The following ENO1 variants were observed in gnomAD, a reference collection of about 807,000 sequenced individuals.
The protein encoded by ENO1 is enolase 1.
ENO1 carries 33 observed loss-of-function variants against 46.3 expected under a neutral mutation model. The observed-to-expected ratio is 0.71, with a 90% CI of 0.54 to 0.95. The LOEUF (loss-of-function observed/expected upper bound fraction) is 0.95, where lower values mean the gene tolerates loss of function less well. Ranked by LOEUF, ENO1 falls within the 40% of genes least tolerant of loss-of-function variation. The pLI is 0.00. For synonymous variants in ENO1, 220 were observed against 216.0 expected (o/e 1.02, Z -0.16); for missense variants, 488 against 553.3 (o/e 0.88, Z 1.18).
Position 8,861,223 on chromosome 1 carries a change from C to A in ENO1, c.*137G>T, listed in dbSNP as rs1004300534. On this transcript the variant is annotated 3_prime_UTR_variant, in exon 12 of 12. Transcript: ENST00000234590. ...CTGTAGAAGTTCTAAGGAAGCGGTA[C>A]GAACTCCACGGCGGTGGGGCGCTAA... 4.8e-6 allele frequency: 4 copies of A among 824,916 alleles called. No homozygotes were observed. The highest frequency in any genetic ancestry group is 1.7e-5 in the African/African-American group (1 of 58,618). 51.1% of individuals were successfully genotyped at this position (824,916 alleles called of 1,614,324 possible). A position where few individuals can be genotyped will look rare whatever the true frequency, so the allele number is the denominator to read the frequency against.
rs565264603 is a variant in ENO1 at position 8,874,731 on chromosome 1, ATTTT to A, written c.85+89_85+92del. ...CAGACAGAAAGAAAAGCTTTAACAG[ATTTT>A]TTTTTTCCTAAGGCTCCAGCATTTG... is the stretch of plus-strand genomic sequence containing the variant. On this transcript the variant is annotated intron_variant, in intron 2 of 11. Transcript: ENST00000234590. The A allele has an allele frequency of 6.2e-4, 656 of 1,066,660 alleles. 1 individual carries two copies. The African/African-American group carries it at 8.9e-3, about 15-fold the overall frequency. 66.1% of individuals were successfully genotyped at this position (1,066,660 alleles called of 1,614,324 possible).
At chr1:8,865,934 C>G (rs1486116736) in intron 7 of ENO1, 3 of 329,896 alleles carry the variant, frequency 9.1e-6, no homozygotes, top group Non-Finnish European at 1.7e-5. Flanking sequence ...CTGTCCATGG[C>G]TAAGCTGCCC....
chr1:8,865,254 G>C, intron 8 of ENO1, 31 bp downstream of exon 8: 1 of 1,610,346 alleles, frequency 6.2e-7, no homozygotes, highest in Non-Finnish European at 8.5e-7. Context: ...TCAGTGGCAG[G>C]AAAGGGAGAT....
intron 11 of ENO1, 96 bp from the exon 12 acceptor site, chr1:8,861,525 G>A: frequency 4.8e-6 from 6 of 1,259,058 alleles, no homozygotes; most frequent in Non-Finnish European, 6.8e-6. Context: ...CAAAGACACA[G>A]CCCCACTCCT....
intron 3 of ENO1, chr1:8,871,479 T>TA: frequency 9.9e-7 from 1 of 1,012,406 alleles, no homozygotes; most frequent in South Asian, 4.0e-5. Context: ...GGTCATTGGT[T>TA]AGACCTTCCC....
chr1:8,868,083 G>C, intron 4 of ENO1, 26 bp from the exon 5 acceptor site: 1 of 1,563,390 alleles, frequency 6.4e-7, no homozygotes, highest in Non-Finnish European at 8.8e-7. Flanking sequence ...GAGAATGAGG[G>C]GTTGGGGCCA....
rs79763842 is a variant in ENO1, at chr1:8,875,319, A to G, written c.-9-402T>C. On this transcript the variant is annotated intron_variant, in intron 1 of 11. Coordinates refer to ENST00000234590, the MANE Select transcript of ENO1 (RefSeq NM_001428.5). ...CTGTAAGAAAAAAGAAAAAAAAAAA[A>G]AGAGAGAGAAAAAGCCCACAAACGT... Among the ~76,000 whole-genome samples, 53 of 152,142 alleles carry G rather than the reference A, an allele frequency of 3.5e-4. No homozygotes were observed. In the East Asian group the frequency reaches 6.0e-3, roughly 17 times the overall value.
At position 8,863,427 on chromosome 1, in the gene ENO1, A is replaced by C. The variant is rs866490479; in HGVS notation, c.1068-84T>G. ...AATGCCATTACCCCTCGGTGCCAGC[A>C]GGAAAGCAGTGGAGGGGCTGTTAAT... is the stretch of plus-strand genomic sequence containing the variant. On this transcript the variant is annotated intron_variant, in intron 9 of 11. Coordinates refer to ENST00000234590, the MANE Select transcript of ENO1 (RefSeq NM_001428.5). 1.2e-5 allele frequency: 16 copies of C among 1,372,758 alleles called. No individual in the cohort carries two copies. In the Admixed American group the frequency reaches 3.0e-4, roughly 26 times the overall value. 85.0% of individuals were successfully genotyped at this position (1,372,758 alleles called of 1,614,324 possible).
Position 8,863,160 on chromosome 1 carries a change from C to T in ENO1, c.1176+75G>A, listed in dbSNP as rs141193517. On this transcript the variant is annotated intron_variant, in intron 10 of 11. Coordinates refer to ENST00000234590, the MANE Select transcript of ENO1 (RefSeq NM_001428.5). ...GGGACATGAGCAAAACGGGGACAGA[C>T]ATGGAGCCTCACTGGTTTTGGGTCT... 9.0e-5 allele frequency: 138 copies of T among 1,541,286 alleles called. No individual in the cohort carries two copies. The Admixed American group carries it at 2.5e-3, about 28-fold the overall frequency.
chr1:8,877,644 T>A (rs61784221), intron 1 of ENO1: 1 of 150,636 alleles, frequency 6.6e-6, no homozygotes, highest in East Asian at 2.0e-4. Flanking sequence ...TCACCTGAGG[T>A]CGGGAGCTCA....
Position 8,868,208 on chromosome 1 carries a change from A to G in ENO1, c.241-151T>C, listed in dbSNP as rs1642563807. 3 of 681,704 alleles carry G rather than the reference A, an allele frequency of 4.4e-6. No homozygotes were observed. The South Asian group carries it at 5.5e-5, about 13-fold the overall frequency. 42.2% of individuals were successfully genotyped at this position (681,704 alleles called of 1,614,324 possible). A position where few individuals can be genotyped will look rare whatever the true frequency, so the allele number is the denominator to read the frequency against. On this transcript the variant is annotated intron_variant, in intron 4 of 11. Transcript: ENST00000234590. ...TAAGCAAAAAAAGTGGAGGACAAAAATCAGTGGGGAGACAAAAAACTGCCT... is the reference window on the plus strand; with the variant it reads ...TAAGCAAAAAAAGTGGAGGACAAAAGTCAGTGGGGAGACAAAAAACTGCCT...
chr1:8,866,983 A>G (rs370417759), intron 6 of ENO1, 134 bp downstream of exon 6: 24 of 1,355,148 alleles, frequency 1.8e-5, no homozygotes, highest in East Asian at 1.5e-4. Context: ...GCTCAAGGTC[A>G]CACTTAACAA....
At chr1:8,865,211 G>T in intron 8 of ENO1, 74 bp downstream of exon 8, 1 of 1,568,190 alleles carries the variant, frequency 6.4e-7, no homozygotes, top group Non-Finnish European at 8.8e-7. Context: ...GCCATCACCA[G>T]CCAGCCAGAT....
intron 8 of ENO1, among the ~76,000 whole-genome samples, chr1:8,864,851 C>A (rs755740253): frequency 2.0e-5 from 3 of 152,150 alleles, no homozygotes; most frequent in Non-Finnish European, 4.4e-5. Context: ...GATTATTCAG[C>A]CAGCCATCAG....
intron 7 of ENO1, 55 bp downstream of exon 7, chr1:8,866,224 A>C: frequency 7.2e-7 from 1 of 1,388,470 alleles, no homozygotes; most frequent in Non-Finnish European, 1.0e-6. Flanking sequence ...ACCCCCCAAC[A>C]GAGGGAGCTG....
intron 11 of ENO1, 84 bp downstream of exon 11, chr1:8,862,803 T>A: frequency 6.8e-7 from 1 of 1,470,490 alleles, no homozygotes; most frequent in Non-Finnish European, 9.3e-7. Context: ...AGCCAGGAGC[T>A]CCTGGGGGAG....
At chr1:8,875,707 TG>T (rs1443668578) in intron 1 of ENO1, 3 of 152,256 alleles carry the variant, frequency 2.0e-5, no homozygotes, top group Non-Finnish European at 2.9e-5. Flanking sequence ...TGCCACTTCC[TG>T]GGACTTTCCA....
At chr1:8,877,544 C>T (rs1642760400) in intron 1 of ENO1, 1 of 152,152 alleles carries the variant, frequency 6.6e-6, no homozygotes, top group African/African-American at 2.4e-5. Flanking sequence ...GAACATTGAA[C>T]AGGAAGCTTT....
chr1:8,862,135 G>A (rs1270091822), intron 11 of ENO1, among the ~76,000 whole-genome samples: 1 of 151,764 alleles, frequency 6.6e-6, no homozygotes, highest in Non-Finnish European at 1.5e-5. Context: ...GCGACAGAGT[G>A]AGATCCCTCT....
Sources: gnomAD v4.1 joint callset for allele counts (sites outside exome capture counted in the v4.1 genomes callset) on GRCh38, gnomAD v4.1.1 for gene constraint, MANE v1.5 for transcripts, NCBI Gene and HGNC (gene_info 2026-07-23, HGNC 2026-07-21) for gene names.